CDC123: variants seen among roughly 807,000 people sequenced by gnomAD.
CDC123 encodes the protein cell division cycle 123.
In CDC123, 37 loss-of-function variants were observed where a neutral mutation model predicts 54.4. That is an observed-to-expected ratio of 0.68 (90% CI 0.52 to 0.89). The LOEUF (loss-of-function observed/expected upper bound fraction) is 0.89, where lower values mean the gene tolerates loss of function less well. Among genes scored for constraint, CDC123 ranks in the 40% least tolerant of loss-of-function variants. The probability of loss-of-function intolerance (pLI) is 0.00; values close to 1 mark genes in which losing one functional copy is unlikely to be tolerated. For missense variants in CDC123, 361 were observed against 412.1 expected (o/e 0.88, Z 1.07); for synonymous variants, 144 against 136.8 (o/e 1.05, Z -0.37).
intron 6 of CDC123, 50 bp from the exon 7 acceptor site, chr10:12,230,897 AC>A (rs1415817550): frequency 2.6e-6 from 4 of 1,543,670 alleles, no homozygotes; most frequent in Non-Finnish European, 3.6e-6. Context: ...GTGTGCATAA[AC>A]TGGCACCAGT....
chr10:12,237,345 C>G, intron 9 of CDC123, 79 bp downstream of exon 9: 1 of 1,177,174 alleles, frequency 8.5e-7, no homozygotes, highest in Non-Finnish European at 1.1e-6. Flanking sequence ...TGGTGTGTAT[C>G]CTAATAACTA....
At chr10:12,230,904 C>T (rs1488165353) in intron 6 of CDC123, 44 bp from the exon 7 acceptor site, 8 of 1,574,964 alleles carry the variant, frequency 5.1e-6, no homozygotes, top group South Asian at 1.1e-5. Context: ...TAAACTGGCA[C>T]CAGTAACAAA....
At chr10:12,211,904 T>A (rs996083160) in intron 4 of CDC123, among the ~76,000 whole-genome samples, 1 of 152,128 alleles carries the variant, frequency 6.6e-6, no homozygotes, top group African/African-American at 2.4e-5. Flanking sequence ...AGGACCAACA[T>A]GGTGAAACCC....
At chr10:12,235,201 T>A (rs1178281326) in intron 8 of CDC123, 78 bp downstream of exon 8, 1 of 1,228,846 alleles carries the variant, frequency 8.1e-7, no homozygotes, top group Non-Finnish European at 1.2e-6. Context: ...GGAAGTAAAT[T>A]TCCAGTAATT....
chr10:12,208,980 G>C (rs1835558616), intron 2 of CDC123, among the ~76,000 whole-genome samples: 1 of 152,238 alleles, frequency 6.6e-6, no homozygotes, highest in East Asian at 1.9e-4. Flanking sequence ...AAAGATTCTT[G>C]GTTTTGCCCC....
rs79699034 is a variant in CDC123, at chr10:12,208,332, C to T, written c.147-1635C>T. Among the ~76,000 whole-genome samples the T allele has an allele frequency of 8.7e-3, 1,317 of 152,226 alleles. 21 individuals are homozygous for T. The highest frequency in any genetic ancestry group is 0.029 in the African/African-American group (1,204 of 41,528). ...CTCTGAGTTCTTTCAGCCTCTGATT[C>T]CCTCTAGGCAATGAAGATGGGCTGC... On this transcript the variant is annotated intron_variant, in intron 2 of 12. Coordinates refer to ENST00000281141, the MANE Select transcript of CDC123 (RefSeq NM_006023.3).
chr10:12,220,530 G>A (rs1252579203), intron 6 of CDC123, among the ~76,000 whole-genome samples: 1 of 152,246 alleles, frequency 6.6e-6, no homozygotes, highest in Non-Finnish European at 1.5e-5. Flanking sequence ...TTAGCTGGGC[G>A]CTACTAACGT....
Position 12,230,949 on chromosome 10 carries a change from T to C in CDC123, c.442T>C (p.Phe148Leu). 6.2e-7 allele frequency: 1 copy of C among 1,611,962 alleles called. No homozygotes were observed. Among genetic ancestry groups the C allele is most frequent in the Non-Finnish European group, 8.5e-7 (1 of 1,179,404 alleles). ...DFITRDFTQPFIHCTDDSPDP... is the reference protein window; with the variant it reads ...DFITRDFTQPLIHCTDDSPDP... ...TTGCCTTTTCTTCTTCTTCCAAAGG[T>C]TTATTCATTGTACTGATGATTCTCC... Residue 148 changes from phenylalanine to leucine, a missense_variant and splice_region_variant, in exon 7 of 13, where the codon TTT (phenylalanine) becomes CTT (leucine). Physicochemically the swap from Phe to Leu is conservative, Grantham distance 22. Coordinates refer to ENST00000281141, the MANE Select transcript of CDC123 (RefSeq NM_006023.3).
chr10:12,211,893 G>C (rs1241546376), intron 4 of CDC123, among the ~76,000 whole-genome samples: 1 of 151,962 alleles, frequency 6.6e-6, no homozygotes, highest in East Asian at 1.9e-4. Flanking sequence ...TGGATTACTT[G>C]AGGACCAACA....
intron 6 of CDC123, among the ~76,000 whole-genome samples, chr10:12,219,929 C>A (rs1835713061): frequency 6.6e-6 from 1 of 152,136 alleles, no homozygotes; most frequent in Admixed American, 6.5e-5. Flanking sequence ...ACCTCGTGAT[C>A]CGCCTGCCTA....
intron 2 of CDC123, among the ~76,000 whole-genome samples, chr10:12,208,470 T>C (rs972091079): frequency 1.3e-5 from 2 of 152,032 alleles, no homozygotes; most frequent in African/African-American, 4.8e-5. Context: ...AAAGGCAAAT[T>C]TATTAGAGAA....
intron 6 of CDC123, among the ~76,000 whole-genome samples, chr10:12,225,028 C>A (rs958853805): frequency 6.6e-6 from 1 of 152,118 alleles, no homozygotes; most frequent in African/African-American, 2.4e-5. Flanking sequence ...AGTTGGTGGA[C>A]AGGCATATCC....
At position 12,231,120 on chromosome 10, in the gene CDC123, G is replaced by A; in HGVS notation, c.489+124G>A. The A allele has an allele frequency of 5.0e-6, 4 of 801,388 alleles. No individual in the cohort carries two copies. In the South Asian group the frequency reaches 7.2e-5, roughly 14 times the overall value. The allele number at this position is 801,388 out of a possible 1,614,324, so 49.6% of individuals were successfully genotyped here. On this transcript the variant is annotated intron_variant, in intron 7 of 12. Transcript: ENST00000281141. ...ATTTCTTCGGGAACCTAAAGCCACT[G>A]AAATTTTAAATTTATGAAATATACA...
chr10:12,219,262 T>C (rs1835701707), intron 6 of CDC123, among the ~76,000 whole-genome samples: 1 of 152,232 alleles, frequency 6.6e-6, no homozygotes, highest in South Asian at 2.1e-4. Context: ...TGTGGTTGTG[T>C]TACATCGTAT....
intron 7 of CDC123, among the ~76,000 whole-genome samples, chr10:12,232,779 C>A (rs1835918733): frequency 7.6e-6 from 1 of 132,160 alleles, no homozygotes; most frequent in Non-Finnish European, 1.7e-5. Flanking sequence ...AGATCATTTC[C>A]TTACCTTTCT....
chr10:12,242,306 G>C (rs563545980), intron 10 of CDC123, among the ~76,000 whole-genome samples: 1 of 152,270 alleles, frequency 6.6e-6, no homozygotes, highest in Admixed American at 6.5e-5. Flanking sequence ...CCTCGCACAT[G>C]TAGGCAGGCT....
rs564272973 is a variant in CDC123 at position 12,211,857 on chromosome 10, C to G, written c.237+1535C>G. 7.2e-5 allele frequency among the ~76,000 whole-genome samples: 11 copies of G among 152,238 alleles called. No homozygotes were observed. The East Asian group carries it at 1.2e-3, about 16-fold the overall frequency. On this transcript the variant is annotated intron_variant, in intron 4 of 12. Coordinates refer to ENST00000281141, the MANE Select transcript of CDC123 (RefSeq NM_006023.3). ...GGCGCGGTGGCCGATGCCTGTAATT[C>G]CAGCACTTTGGGAGGCCAAGGTGGG...
intron 6 of CDC123, among the ~76,000 whole-genome samples, chr10:12,225,045 T>C (rs532776228): frequency 2.8e-4 from 43 of 152,258 alleles, no homozygotes; most frequent in African/African-American, 9.9e-4. Context: ...ATCCTGGCGC[T>C]TTTCCCAAGA....
At chr10:12,233,006 G>A (rs1173066593) in intron 7 of CDC123, among the ~76,000 whole-genome samples, 3 of 151,898 alleles carry the variant, frequency 2.0e-5, no homozygotes, top group Non-Finnish European at 2.9e-5. Flanking sequence ...TGATCCGTCC[G>A]CCTCAGCCTC....
Sources: allele counts gnomAD v4.1 joint callset (sites outside exome capture counted in the v4.1 genomes callset), GRCh38; gene constraint gnomAD v4.1.1; transcripts MANE v1.5; gene names NCBI Gene and HGNC (gene_info 2026-07-23, HGNC 2026-07-21).